MMP16: variants seen among roughly 807,000 people sequenced by gnomAD.
The protein encoded by MMP16 is matrix metallopeptidase 16.
In MMP16, 12 loss-of-function variants were observed where a neutral mutation model predicts 67.8. The observed-to-expected ratio is 0.18, with a 90% CI of 0.11 to 0.29. The LOEUF (loss-of-function observed/expected upper bound fraction) is 0.29. Among genes scored for constraint, MMP16 ranks in the 10% least tolerant of loss-of-function variants. MMP16 has a pLI of 1.00. For synonymous variants in MMP16, 249 were observed against 255.9 expected, an observed-to-expected ratio of 0.97 and a Z score of 0.26; for missense variants, 475 against 765.7, an observed-to-expected ratio of 0.62 and a Z score of 4.48.
chr8:88,261,684 C>T (rs1046763263), intron 1 of MMP16, among the ~76,000 whole-genome samples: 2 of 151,816 alleles, frequency 1.3e-5, no homozygotes, highest in Admixed American at 6.6e-5. Context: ...AAGCACTTCC[C>T]ATTAGGTATG....
intron 6 of MMP16, among the ~76,000 whole-genome samples, chr8:88,100,868 A>C (rs1809129784): frequency 6.6e-6 from 1 of 151,734 alleles, no homozygotes; most frequent in African/African-American, 2.4e-5. Flanking sequence ...TCAGCAAACT[A>C]TTGCAAGAAC....
intron 4 of MMP16, among the ~76,000 whole-genome samples, chr8:88,166,446 A>G (rs1472405578): frequency 6.6e-6 from 1 of 151,808 alleles, no homozygotes; most frequent in East Asian, 1.9e-4. Flanking sequence ...TGCCTCTTAT[A>G]TTAAGTAACC....
chr8:88,248,679 C>T (rs1810158014), intron 1 of MMP16, among the ~76,000 whole-genome samples: 1 of 151,464 alleles, frequency 6.6e-6, no homozygotes, highest in Non-Finnish European at 1.5e-5. Context: ...CACATCTGAT[C>T]ATCAGAATAT....
At chr8:88,051,583 T>C (rs1167245790) in intron 8 of MMP16, among the ~76,000 whole-genome samples, 1 of 152,130 alleles carries the variant, frequency 6.6e-6, no homozygotes, top group Non-Finnish European at 1.5e-5. Flanking sequence ...ATAGAAAATA[T>C]CAATATATCA....
chr8:88,103,808 C>T (rs1809186092), intron 6 of MMP16, among the ~76,000 whole-genome samples: 1 of 151,784 alleles, frequency 6.6e-6, no homozygotes, highest in African/African-American at 2.4e-5. Flanking sequence ...AATCAATTCT[C>T]ACCATAGTAC....
At chr8:88,174,136 C>G (rs1808847601) in intron 3 of MMP16, among the ~76,000 whole-genome samples, 2 of 152,124 alleles carry the variant, frequency 1.3e-5, no homozygotes, top group South Asian at 4.1e-4. Context: ...GTAACGGAGT[C>G]ATTCATTTAA....
chr8:88,098,341 T>C (rs1297037286), intron 6 of MMP16, among the ~76,000 whole-genome samples: 2 of 152,010 alleles, frequency 1.3e-5, no homozygotes, highest in African/African-American at 4.8e-5. Context: ...GTAGGCAGGA[T>C]TGATTGACTG....
At position 88,268,140 on chromosome 8, in the gene MMP16, C is replaced by T. The variant is rs1052255365; in HGVS notation, c.132+58935G>A. Among the ~76,000 whole-genome samples the T allele has an allele frequency of 2.6e-5, 4 of 152,072 alleles. No homozygotes were observed. The South Asian group carries it at 6.2e-4, about 24-fold the overall frequency. On this transcript the variant is annotated intron_variant, in intron 1 of 9. Coordinates refer to ENST00000286614, the MANE Select transcript of MMP16 (RefSeq NM_005941.5). ...GGTGGATTGCCTGAGGTCAGGAGTT[C>T]GAGACCAGCCTGACCAACATGGAGA... is the stretch of plus-strand genomic sequence containing the variant.
intron 4 of MMP16, among the ~76,000 whole-genome samples, chr8:88,120,592 G>T (rs1807808500): frequency 6.6e-6 from 1 of 151,760 alleles, no homozygotes; most frequent in Non-Finnish European, 1.5e-5. Flanking sequence ...AGACTGAATG[G>T]CAAAACAAAG....
intron 6 of MMP16, among the ~76,000 whole-genome samples, chr8:88,109,428 A>G (rs1256747858): frequency 6.6e-6 from 1 of 151,384 alleles, no homozygotes; most frequent in Non-Finnish European, 1.5e-5. Context: ...TGCTTTTAAG[A>G]GATTGTGAAG....
At chr8:88,217,282 C>T (rs1035917492) in intron 1 of MMP16, among the ~76,000 whole-genome samples, 1 of 152,044 alleles carries the variant, frequency 6.6e-6, no homozygotes, top group Non-Finnish European at 1.5e-5. Flanking sequence ...AATCCCAGTT[C>T]TCTCAATGTA....
rs184272205 is a variant in MMP16 at position 88,316,566 on chromosome 8, T to C, written c.132+10509A>G. On this transcript the variant is annotated intron_variant, in intron 1 of 9. Transcript: ENST00000286614. Reference sequence around the variant, plus strand: ...TGAGTATTTGAAGCCCACTGAGACTTACTGCTCAGGAAAAAGAGATTCCTT... The same window carrying C: ...TGAGTATTTGAAGCCCACTGAGACTCACTGCTCAGGAAAAAGAGATTCCTT... Among the ~76,000 whole-genome samples the C allele has an allele frequency of 2.4e-3, 360 of 152,284 alleles. 2 individuals are homozygous for C. In the Middle Eastern group the frequency reaches 0.027, roughly 12 times the overall value.
chr8:88,244,053 GA>G (rs5893042), intron 1 of MMP16, among the ~76,000 whole-genome samples: 146,933 of 152,132 alleles, frequency 0.97, 71,179 homozygotes, highest in East Asian at 1. Context: ...TTCATCCAGT[GA>G]AAAGTTCTAG....
At chr8:88,146,832 A>G (rs1808300741) in intron 4 of MMP16, among the ~76,000 whole-genome samples, 1 of 151,916 alleles carries the variant, frequency 6.6e-6, no homozygotes, top group African/African-American at 2.4e-5. Context: ...TAAATGTTCA[A>G]TTTTATTAGG....
intron 7 of MMP16, among the ~76,000 whole-genome samples, chr8:88,066,429 T>C (rs536571665): frequency 6.1e-4 from 93 of 152,208 alleles, no homozygotes; most frequent in Non-Finnish European, 1.1e-3. Flanking sequence ...GTGTGATACA[T>C]TTTCTATTTC....
chr8:88,287,105 C>G (rs1162034370), intron 1 of MMP16, among the ~76,000 whole-genome samples: 1 of 152,128 alleles, frequency 6.6e-6, no homozygotes, highest in African/African-American at 2.4e-5. Flanking sequence ...TCCAAGAATG[C>G]CCACTGAGGA....
chr8:88,172,026 C>T (rs528657903), intron 3 of MMP16, among the ~76,000 whole-genome samples: 104 of 152,216 alleles, frequency 6.8e-4, no homozygotes, highest in African/African-American at 2.3e-3. Flanking sequence ...GAGGTTTCAC[C>T]ATGTTGGCCA....
chr8:88,249,286 T>TA (rs532598479), intron 1 of MMP16, among the ~76,000 whole-genome samples: 53 of 151,778 alleles, frequency 3.5e-4, no homozygotes, highest in Non-Finnish European at 7.2e-4. Flanking sequence ...GCCAGAGAGG[T>TA]AAAAAAAGAA....
chr8:88,049,148 C>T lies in MMP16; in HGVS notation c.1374-2364G>A, dbSNP rs1022735396. ...ACATCGAAGATGAGAACAGATCTGA[C>T]GAACAGATCAGAAATAGCTTCATGG... is the stretch of plus-strand genomic sequence containing the variant. On this transcript the variant is annotated intron_variant, in intron 8 of 9. Transcript: ENST00000286614. 5.9e-5 allele frequency among the ~76,000 whole-genome samples: 9 copies of T among 152,072 alleles called. No individual in the cohort carries two copies. In the East Asian group the frequency reaches 1.4e-3, roughly 23 times the overall value.
Sources: allele counts gnomAD v4.1 joint callset (sites outside exome capture counted in the v4.1 genomes callset), GRCh38; gene constraint gnomAD v4.1.1; transcripts MANE v1.5; gene names NCBI Gene and HGNC (gene_info 2026-07-23, HGNC 2026-07-21).